ST6GALNAC3: variants seen among roughly 807,000 people sequenced by gnomAD.
The protein encoded by ST6GALNAC3 is alpha-N-acetylgalactosaminide alpha-2,6-sialyltransferase 3.
A neutral mutation model predicts 32.7 loss-of-function variants in ST6GALNAC3; 25 were observed. The observed-to-expected ratio is 0.76, with a 90% CI of 0.56 to 1.07. The LOEUF (loss-of-function observed/expected upper bound fraction) is 1.07, where lower values mean the gene tolerates loss of function less well. Ranked by LOEUF, ST6GALNAC3 falls within the 50% of genes least tolerant of loss-of-function variation. ST6GALNAC3 has a pLI of 0.00. For missense variants in ST6GALNAC3, 355 were observed against 382.4 expected (o/e 0.93, Z 0.60); for synonymous variants, 129 against 133.1 (o/e 0.97, Z 0.21).
At chr1:76,264,900 C>CT (rs397864038) in intron 1 of ST6GALNAC3, among the ~76,000 whole-genome samples, 31,139 of 137,392 alleles carry the variant, frequency 0.23, 3,541 homozygotes, top group Non-Finnish European at 0.28. Flanking sequence ...CTCTAGTGCT[C>CT]TTTTTTTTTT....
At chr1:76,129,878 C>G (rs1649497020) in intron 1 of ST6GALNAC3, among the ~76,000 whole-genome samples, 1 of 152,136 alleles carries the variant, frequency 6.6e-6, no homozygotes. Flanking sequence ...GCCAAACGAG[C>G]CTGCTGATAC....
intron 3 of ST6GALNAC3, among the ~76,000 whole-genome samples, chr1:76,427,625 T>G (rs1402556510): frequency 6.6e-6 from 1 of 152,134 alleles, no homozygotes; most frequent in African/African-American, 2.4e-5. Context: ...AAAATTAGGT[T>G]AGTTTTACCA....
chr1:76,176,576 T>G (rs1207680301), intron 1 of ST6GALNAC3, among the ~76,000 whole-genome samples: 1 of 152,180 alleles, frequency 6.6e-6, no homozygotes, highest in Non-Finnish European at 1.5e-5. Flanking sequence ...CCACCAGCAT[T>G]AGCTTATAGA....
intron 3 of ST6GALNAC3, among the ~76,000 whole-genome samples, chr1:76,493,027 CCTT>C (rs1332354190): frequency 4.6e-5 from 7 of 151,104 alleles, no homozygotes; most frequent in Non-Finnish European, 8.8e-5. Context: ...AGAGTTGACA[CCTT>C]CTTTTTTTTT....
intron 2 of ST6GALNAC3, among the ~76,000 whole-genome samples, chr1:76,357,589 A>G (rs1649586224): frequency 6.6e-6 from 1 of 152,312 alleles, no homozygotes; most frequent in South Asian, 2.1e-4. Flanking sequence ...GACAGAAATC[A>G]TCACCTCCTC....
At chr1:76,279,786 C>T (rs1659392231) in intron 1 of ST6GALNAC3, among the ~76,000 whole-genome samples, 1 of 152,258 alleles carries the variant, frequency 6.6e-6, no homozygotes, top group Non-Finnish European at 1.5e-5. Context: ...CTGGAGTCTC[C>T]TCAGAATTCA....
chr1:76,341,683 T>C (rs1218046746), intron 2 of ST6GALNAC3, among the ~76,000 whole-genome samples: 1 of 146,314 alleles, frequency 6.8e-6, no homozygotes, highest in Non-Finnish European at 1.5e-5. Context: ...CTTTCTTTCC[T>C]TCTTTCTTTC....
chr1:76,494,803 C>A (rs1170257996), intron 3 of ST6GALNAC3, among the ~76,000 whole-genome samples: 1 of 151,590 alleles, frequency 6.6e-6, no homozygotes, highest in African/African-American at 2.4e-5. Context: ...TGTGAACTGG[C>A]TCATGTGATT....
intron 1 of ST6GALNAC3, among the ~76,000 whole-genome samples, chr1:76,139,765 C>T (rs935967719): frequency 3.3e-5 from 5 of 152,296 alleles, no homozygotes; most frequent in Admixed American, 1.3e-4. Context: ...TGACCCTAAT[C>T]AGCCGGGCAA....
At chr1:76,369,356 G>A (rs1054961059) in intron 2 of ST6GALNAC3, among the ~76,000 whole-genome samples, 20 of 152,146 alleles carry the variant, frequency 1.3e-4, no homozygotes, top group Non-Finnish European at 4.4e-5. Context: ...CCACTTGCAG[G>A]TAGAACAACA....
intron 2 of ST6GALNAC3, among the ~76,000 whole-genome samples, chr1:76,363,674 G>A (rs966116596): frequency 1.3e-5 from 2 of 152,148 alleles, no homozygotes; most frequent in Non-Finnish European, 2.9e-5. Flanking sequence ...AAGAAAATAG[G>A]TTTAATTGAT....
At chr1:76,485,549 C>T (rs1249778236) in intron 3 of ST6GALNAC3, among the ~76,000 whole-genome samples, 1 of 152,196 alleles carries the variant, frequency 6.6e-6, no homozygotes, top group Non-Finnish European at 1.5e-5. Context: ...GTTTGTATTT[C>T]TGTGGGATCA....
chr1:76,252,314 C>T (rs1309218291), intron 1 of ST6GALNAC3, among the ~76,000 whole-genome samples: 3 of 152,150 alleles, frequency 2.0e-5, no homozygotes, highest in Admixed American at 2.0e-4. Context: ...ATCTGAACTT[C>T]AGAATCTACT....
At chr1:76,493,527 C>G (rs1271994483) in intron 3 of ST6GALNAC3, among the ~76,000 whole-genome samples, 1 of 152,140 alleles carries the variant, frequency 6.6e-6, no homozygotes, top group African/African-American at 2.4e-5. Flanking sequence ...GACCATTTCT[C>G]AAATTTCCCC....
chr1:76,459,449 A>C (rs1268124359), intron 3 of ST6GALNAC3, among the ~76,000 whole-genome samples: 1 of 152,114 alleles, frequency 6.6e-6, no homozygotes, highest in Non-Finnish European at 1.5e-5. Context: ...CTGTAGTCCC[A>C]GCTACTCGGG....
intron 3 of ST6GALNAC3, among the ~76,000 whole-genome samples, chr1:76,492,900 A>G (rs1471783550): frequency 1.3e-5 from 2 of 152,274 alleles, no homozygotes; most frequent in East Asian, 1.9e-4. Context: ...TTTCTTGAGT[A>G]AAGAGGTCAT....
chr1:76,554,932 G>T (rs1664832695), intron 3 of ST6GALNAC3, among the ~76,000 whole-genome samples: 1 of 152,088 alleles, frequency 6.6e-6, no homozygotes, highest in Non-Finnish European at 1.5e-5. Flanking sequence ...GTAGGTAATA[G>T]GTCATTAATA....
intron 1 of ST6GALNAC3, among the ~76,000 whole-genome samples, chr1:76,134,895 C>A (rs1383598054): frequency 6.6e-6 from 1 of 152,208 alleles, no homozygotes; most frequent in East Asian, 1.9e-4. Context: ...GTAATCCCAG[C>A]ACTTTGGGAG....
intron 1 of ST6GALNAC3, among the ~76,000 whole-genome samples, chr1:76,161,929 C>T (rs1162205012): frequency 6.6e-6 from 1 of 152,208 alleles, no homozygotes; most frequent in African/African-American, 2.4e-5. Flanking sequence ...TGGTCAAAAA[C>T]CCTTAACTGA....
Sources: allele counts gnomAD v4.1 joint callset (sites outside exome capture counted in the v4.1 genomes callset), GRCh38; gene constraint gnomAD v4.1.1; transcripts MANE v1.5; gene names NCBI Gene and HGNC (gene_info 2026-07-23, HGNC 2026-07-21).